Variants in UPF3A observed in about 807,000 individuals in gnomAD.
The protein encoded by UPF3A is UPF3A regulator of nonsense mediated mRNA decay, also known as regulator of nonsense transcripts 3A.
UPF3A carries 42 observed loss-of-function variants against 53.5 expected under a neutral mutation model. The ratio of observed to expected loss-of-function variants is 0.78; its 90% confidence interval spans 0.61 to 1.01. The LOEUF (loss-of-function observed/expected upper bound fraction) is 1.01. Ranked by LOEUF, UPF3A falls within the 50% of genes least tolerant of loss-of-function variation. The pLI is 0.00. For synonymous variants in UPF3A, 237 were observed against 225.3 expected, an observed-to-expected ratio of 1.05 and a Z score of -0.47; for missense variants, 575 against 598.0, an observed-to-expected ratio of 0.96 and a Z score of 0.40.
At chr13:114,282,994 G>A in intron 3 of UPF3A, 51 bp downstream of exon 3, 2 of 1,269,748 alleles carry the variant, frequency 1.6e-6, no homozygotes, top group Non-Finnish European at 2.2e-6. Context: ...GTATACTAAT[G>A]AAGTATTGCT....
At chr13:114,296,472 TA>T (rs1264423452) in intron 7 of UPF3A, among the ~76,000 whole-genome samples, 2 of 152,188 alleles carry the variant, frequency 1.3e-5, no homozygotes, top group African/African-American at 4.8e-5. Context: ...CAAGTACCAC[TA>T]CACCATACCC....
intron 7 of UPF3A, among the ~76,000 whole-genome samples, chr13:114,297,321 G>A (rs1256725538): frequency 3.9e-5 from 6 of 152,000 alleles, no homozygotes; most frequent in Non-Finnish European, 7.4e-5. Flanking sequence ...ATACAGGGCA[G>A]ATGAAATATG....
In UPF3A at chr13:114,304,821, A is replaced by G. The variant is rs1279145571; in HGVS notation, c.1335A>G (p.Gly445=). The G allele has an allele frequency of 2.5e-6, 4 of 1,613,808 alleles. No individual in the cohort carries two copies. The highest frequency in any genetic ancestry group is 1.1e-5 in the South Asian group (1 of 91,058). The change falls in exon 10 of 10, where the codon GGA becomes GGG. Residue 445 remains glycine, a synonymous_variant. Transcript: ENST00000375299. The part of the protein sequence containing the change: ...DRPALQLYDP[G]ARFRARECGG... ...CAGCCTTGCAGCTGTATGATCCAGG[A>G]GCTCGCTTCCGAGCGCGAGAGTGTG...
chr13:114,293,803 GT>G (rs2085550197), intron 7 of UPF3A, among the ~76,000 whole-genome samples: 1 of 152,180 alleles, frequency 6.6e-6, no homozygotes, highest in Non-Finnish European at 1.5e-5. Context: ...CCATAGATTT[GT>G]TTCTGATATG....
intron 7 of UPF3A, among the ~76,000 whole-genome samples, chr13:114,292,504 C>T (rs1285893191): frequency 0.015 from 712 of 47,312 alleles, no homozygotes; most frequent in Admixed American, 0.02. Flanking sequence ...TGCAGGTGTG[C>T]CACATGTTTA....
intron 8 of UPF3A, among the ~76,000 whole-genome samples, chr13:114,301,189 C>T (rs61973482): frequency 0.26 from 38,808 of 151,540 alleles, 6,008 homozygotes; most frequent in African/African-American, 0.44. Flanking sequence ...TGGCCAGGCA[C>T]GGTGGCTCAC....
rs1475326023 is a variant in UPF3A at position 114,281,707 on chromosome 13, G to A, written c.68G>A (p.Arg23Lys). The change falls in exon 1 of 10, where the codon AGG (arginine) becomes AAG (lysine). Residue 23 changes from arginine (R) to lysine (K), a missense_variant. This residue lies in a region of UPF3A where 252 missense variants were observed against 182.7 expected (regional missense o/e 1.38). Transcript: ENST00000375299. ...AAVAARGPSGREKLSALEVQF... is the reference protein window; with the variant it reads ...AAVAARGPSGKEKLSALEVQF... ...GTTGCCGCGCGGGGCCCGAGCGGGA[G>A]GGAGAAGCTGTCGGCCCTAGAAGTG... 1.9e-6 allele frequency: 3 copies of A among 1,549,072 alleles called. No individual in the cohort carries two copies. The Admixed American group carries it at 5.8e-5, about 30-fold the overall frequency.
intron 7 of UPF3A, among the ~76,000 whole-genome samples, chr13:114,295,800 G>A (rs59782099): frequency 0.11 from 16,606 of 152,144 alleles, 1,991 homozygotes; most frequent in East Asian, 0.27. Flanking sequence ...CCATTCCCTA[G>A]TGCCTAGCAC....
chr13:114,297,333 C>T (rs1480850059), intron 7 of UPF3A, among the ~76,000 whole-genome samples: 1 of 151,512 alleles, frequency 6.6e-6, no homozygotes, highest in Non-Finnish European at 1.5e-5. Flanking sequence ...TGAAATATGT[C>T]GTGGCGACTT....
In UPF3A at chr13:114,301,798, C is replaced by G; in HGVS notation, c.1075C>G (p.Gln359Glu). 1 of 1,613,956 alleles carries G rather than the reference C, an allele frequency of 6.2e-7. No individual in the cohort carries two copies. Among genetic ancestry groups the G allele is most frequent in the South Asian group, 1.1e-5 (1 of 91,076 alleles). ...ATCTCAAGAACAAGAATCTGAAGCA[C>G]AAAGATACCATGTGGATGACGGCAG... Reference protein sequence around the residue: ...ERSQEQESEAQRYHVDDGRRH... With the variant: ...ERSQEQESEAERYHVDDGRRH... The change falls in exon 9 of 10, where the codon CAA becomes GAA. Residue 359 changes from glutamine to glutamate, a missense_variant. By Grantham distance (29) the Gln-to-Glu change is conservative. This residue lies in a region of UPF3A where 323 missense variants were observed against 415.2 expected (regional missense o/e 0.78). Coordinates refer to ENST00000375299, the MANE Select transcript of UPF3A (RefSeq NM_023011.4).
chr13:114,288,309 C>T (rs2084927140), intron 5 of UPF3A, among the ~76,000 whole-genome samples: 1 of 152,208 alleles, frequency 6.6e-6, no homozygotes, highest in East Asian at 1.9e-4. Flanking sequence ...ACTGATGTGA[C>T]AAAGTGGAAT....
chr13:114,297,052 AGCGGCTTCCAAT>A (rs1351806388), intron 7 of UPF3A, among the ~76,000 whole-genome samples: 1 of 152,168 alleles, frequency 6.6e-6, no homozygotes, highest in African/African-American at 2.4e-5. Flanking sequence ...CTTGATGAGA[AGCGGCTTCCAAT>A]GCTCCACCTT....
In UPF3A at chr13:114,305,289, T is replaced by C. The variant is rs1442452799; in HGVS notation, c.*372T>C. 2.2e-5 allele frequency: 6 copies of C among 278,082 alleles called. No individual in the cohort carries two copies. The highest frequency in any genetic ancestry group is 2.0e-4 in the East Asian group (2 of 10,148). 17.2% of individuals were successfully genotyped at this position (278,082 alleles called of 1,614,324 possible). Reference sequence around the variant, plus strand: ...AGAACGACATCCACTTTGGGTTTCATTCGTTTGTAAGCAGAGGAGCTGTCA... The same window carrying C: ...AGAACGACATCCACTTTGGGTTTCACTCGTTTGTAAGCAGAGGAGCTGTCA... On this transcript the variant is annotated 3_prime_UTR_variant, in exon 10 of 10. Transcript: ENST00000375299.
chr13:114,288,570 GATTC>G (rs1222977965), intron 5 of UPF3A, among the ~76,000 whole-genome samples: 1 of 152,186 alleles, frequency 6.6e-6, no homozygotes, highest in Non-Finnish European at 1.5e-5. Context: ...AAGACATTTA[GATTC>G]ATTCCAGGGC....
intron 8 of UPF3A, among the ~76,000 whole-genome samples, chr13:114,299,519 C>G (rs924363111): frequency 6.6e-6 from 1 of 152,244 alleles, no homozygotes; most frequent in African/African-American, 2.4e-5. Context: ...CCTGGCTCCT[C>G]TGGCTGTGGA....
intron 9 of UPF3A, 137 bp downstream of exon 9, chr13:114,302,162 G>A: frequency 1.3e-6 from 1 of 770,784 alleles, no homozygotes; most frequent in Non-Finnish European, 1.9e-6. Flanking sequence ...AGTTTTTCCT[G>A]AAAGTCAGAT....
At chr13:114,285,682 G>A (rs1407952108) in intron 3 of UPF3A, 1 of 152,296 alleles carries the variant, frequency 6.6e-6, no homozygotes, top group African/African-American at 2.4e-5. Flanking sequence ...AACGAAGTTA[G>A]TTTCTAATGA....
rs571949443 is a variant in UPF3A, at chr13:114,288,464, C to T, written c.631+1835C>T. On this transcript the variant is annotated intron_variant, in intron 5 of 9. Transcript: ENST00000375299. The stretch of plus-strand genomic sequence containing the variant: ...AGGAAGGAAGCGCCAGGGGCAGGGC[C>T]GGCTGCTGTCGCTTTTCACTGCAGG... 2.2e-3 allele frequency among the ~76,000 whole-genome samples: 331 copies of T among 152,328 alleles called. 3 individuals are homozygous for T. Among genetic ancestry groups the T allele is most frequent in the African/African-American group, 7.5e-3 (311 of 41,580 alleles).
intron 7 of UPF3A, 84 bp downstream of exon 7, chr13:114,291,876 T>A (rs776958984): frequency 1.5e-5 from 22 of 1,434,560 alleles, no homozygotes; most frequent in South Asian, 4.2e-5. Flanking sequence ...TTCTTTAGAA[T>A]TTTGAAAACA....
Sources: allele counts gnomAD v4.1 joint callset (sites outside exome capture counted in the v4.1 genomes callset), GRCh38; gene constraint gnomAD v4.1.1; regional missense constraint gnomAD v4.1.1; transcripts MANE v1.5; gene names NCBI Gene and HGNC (gene_info 2026-07-23, HGNC 2026-07-21).